Variants in SEM1 observed in about 807,000 individuals in gnomAD.
The protein encoded by SEM1 is 26S proteasome complex subunit SEM1.
Under a neutral mutation model 12.7 loss-of-function variants are expected in SEM1, and 3 were observed. That is an observed-to-expected ratio of 0.24 (90% CI 0.11 to 0.61). SEM1 has a LOEUF of 0.61. Ranked by LOEUF, SEM1 falls within the 20% of genes least tolerant of loss-of-function variation. SEM1 has a pLI of 0.88. For synonymous variants in SEM1, 30 were observed against 27.8 expected (o/e 1.08, Z -0.25); for missense variants, 59 against 81.3 (o/e 0.73, Z 1.06).
At chr7:96,597,173 GC>G (rs954026010) in intron 2 of SEM1, among the ~76,000 whole-genome samples, 1 of 152,156 alleles carries the variant, frequency 6.6e-6, no homozygotes, top group African/African-American at 2.4e-5. Context: ...ATTATTCAAT[GC>G]CTTAACCATC....
intron 2 of SEM1, chr7:96,486,183 T>C: frequency 6.7e-7 from 1 of 1,503,712 alleles, no homozygotes; most frequent in Non-Finnish European, 8.9e-7. Flanking sequence ...TTTTTCCTCC[T>C]GTGGCTGTCA....
intron 3 of SEM1, among the ~76,000 whole-genome samples, chr7:96,503,063 C>G (rs1803623091): frequency 3.3e-5 from 5 of 152,094 alleles, no homozygotes; most frequent in Admixed American, 2.6e-4. Context: ...ATAAAATAAC[C>G]CTGGATGGTC....
chr7:96,676,836 C>T (rs558265034), intron 2 of SEM1, among the ~76,000 whole-genome samples: 3 of 152,322 alleles, frequency 2.0e-5, no homozygotes, highest in Non-Finnish European at 4.4e-5. Flanking sequence ...AGTCACCACA[C>T]CTTCCATTAG....
At chr7:96,568,134 G>A (rs78256316) in intron 2 of SEM1, among the ~76,000 whole-genome samples, 1,983 of 151,820 alleles carry the variant, frequency 0.013, 38 homozygotes, top group African/African-American at 0.046. Context: ...TGGGCCTGAT[G>A]CCTGCAACTT....
intron 2 of SEM1, among the ~76,000 whole-genome samples, chr7:96,567,365 C>G (rs1412780194): frequency 6.6e-6 from 1 of 151,436 alleles, no homozygotes; most frequent in East Asian, 1.9e-4. Flanking sequence ...ATGTAACTTT[C>G]ACTTATACAT....
At chr7:96,588,382 AC>A (rs1806718848) in intron 2 of SEM1, among the ~76,000 whole-genome samples, 6 of 82,098 alleles carry the variant, frequency 7.3e-5, no homozygotes, top group Admixed American at 6.6e-4. Context: ...ACACACACAC[AC>A]ACACACACAC....
Position 96,689,118 on chromosome 7 carries a change from AC to A in SEM1, c.171-153del, listed in dbSNP as rs530383712. ...TTTTACTTTTGTCTCTGAAAAAAAAACATAAGAAAATTGGATATGAGTCAAT... is the reference window on the plus strand; with the variant it reads ...TTTTACTTTTGTCTCTGAAAAAAAAAATAAGAAAATTGGATATGAGTCAAT... On this transcript the variant is annotated intron_variant, in intron 2 of 2. Coordinates refer to ENST00000248566, the MANE Select transcript of SEM1 (RefSeq NM_006304.2). The A allele has an allele frequency of 1.5e-3, 790 of 518,746 alleles. 4 individuals carry two copies. The highest frequency in any genetic ancestry group is 8.8e-3 in the African/African-American group (446 of 50,800). 32.1% of individuals were successfully genotyped at this position (518,746 alleles called of 1,614,324 possible). A position where few individuals can be genotyped will look rare whatever the true frequency, so the allele number is the denominator to read the frequency against.
At chr7:96,513,683 G>T (rs1443694593) in intron 2 of SEM1, among the ~76,000 whole-genome samples, 1 of 152,032 alleles carries the variant, frequency 6.6e-6, no homozygotes, top group Non-Finnish European at 1.5e-5. Context: ...ACAAGAATCA[G>T]CTGGGCATGA....
At chr7:96,540,421 T>C (rs1479189145) in intron 2 of SEM1, among the ~76,000 whole-genome samples, 3 of 151,806 alleles carry the variant, frequency 2.0e-5, no homozygotes, top group East Asian at 3.9e-4. Flanking sequence ...GGCATTCTGT[T>C]AATAAAATTA....
In SEM1 at chr7:96,574,167, T is replaced by A. The variant is rs1201680407; in HGVS notation, c.171-67469A>T. 5.3e-5 allele frequency among the ~76,000 whole-genome samples: 8 copies of A among 152,104 alleles called. No individual in the cohort carries two copies. The East Asian group carries it at 1.5e-3, about 29-fold the overall frequency. ...GTTCTCATTGTTCAATTCCCAGCTA[T>A]GAGTGAGAACATGTGGTGTTTGGTT... On this transcript the variant is annotated intron_variant and NMD_transcript_variant, in intron 2 of 3. Coordinates refer to the SEM1 transcript ENST00000466986.
At chr7:96,575,932 T>C (rs1413390473) in intron 2 of SEM1, among the ~76,000 whole-genome samples, 1 of 152,222 alleles carries the variant, frequency 6.6e-6, no homozygotes, top group Non-Finnish European at 1.5e-5. Flanking sequence ...AGACGACACA[T>C]GTACATCTAT....
intron 1 of SEM1, among the ~76,000 whole-genome samples, chr7:96,495,465 A>G (rs1213114328): frequency 6.6e-6 from 1 of 152,160 alleles, no homozygotes; most frequent in African/African-American, 2.4e-5. Context: ...TCCTGATAGT[A>G]AAGTGCTGTT....
chr7:96,597,881 A>C (rs1226633067), intron 2 of SEM1, among the ~76,000 whole-genome samples: 1 of 152,058 alleles, frequency 6.6e-6, no homozygotes, highest in East Asian at 1.9e-4. Flanking sequence ...CTTTTTGTAC[A>C]TCCAAGTAAA....
exon 4 of SEM1, chr7:96,481,676 C>A (rs549121212): frequency 6.6e-6 from 1 of 152,120 alleles, no homozygotes; most frequent in African/African-American, 2.4e-5. Context: ...GATCTATTAA[C>A]TTTAAAAGGT....
At chr7:96,674,748 G>A (rs559430678) in intron 2 of SEM1, among the ~76,000 whole-genome samples, 1 of 152,314 alleles carries the variant, frequency 6.6e-6, no homozygotes, top group African/African-American at 2.4e-5. Flanking sequence ...TGATGAATCA[G>A]GGGAAGGACA....
At chr7:96,590,600 C>T (rs1031260939) in intron 2 of SEM1, among the ~76,000 whole-genome samples, 3 of 152,172 alleles carry the variant, frequency 2.0e-5, no homozygotes, top group African/African-American at 4.8e-5. Flanking sequence ...AAAACAAAGA[C>T]ATTGCTTAGG....
downstream of SEM1, chr7:96,622,268 GA>G (rs57392963): frequency 0.96 from 190,438 of 197,656 alleles, 92,000 homozygotes; most frequent in South Asian, 0.99. Flanking sequence ...AAAGGACATG[GA>G]AAAAAAAAAT....
At chr7:96,674,250 G>A (rs1326983769) in intron 2 of SEM1, among the ~76,000 whole-genome samples, 1 of 152,078 alleles carries the variant, frequency 6.6e-6, no homozygotes, top group Non-Finnish European at 1.5e-5. Flanking sequence ...TGGTCATCTA[G>A]GCTTTACTTA....
At chr7:96,589,591 TA>T (rs1210908953) in intron 2 of SEM1, among the ~76,000 whole-genome samples, 1 of 152,176 alleles carries the variant, frequency 6.6e-6, no homozygotes, top group African/African-American at 2.4e-5. Context: ...TCCAGTGACA[TA>T]AGGTCATTTA....
Sources: allele counts gnomAD v4.1 joint callset (sites outside exome capture counted in the v4.1 genomes callset), GRCh38; gene constraint gnomAD v4.1.1; transcripts MANE v1.5; gene names NCBI Gene and HGNC (gene_info 2026-07-23, HGNC 2026-07-21).